RIF1: variants seen among roughly 807,000 people sequenced by gnomAD.
RIF1 encodes replication timing regulatory factor 1.
Under a neutral mutation model 247.1 loss-of-function variants are expected in RIF1, and 45 were observed. The observed-to-expected ratio is 0.18, with a 90% CI of 0.14 to 0.23. The LOEUF is 0.23. Ranked by LOEUF, RIF1 falls within the 10% of genes least tolerant of loss-of-function variation. The pLI is 1.00. For synonymous variants in RIF1, 1,087 were observed against 978.8 expected, an observed-to-expected ratio of 1.11 and a Z score of -2.06; for missense variants, 2,967 against 2,862.5, an observed-to-expected ratio of 1.04 and a Z score of -0.83.
chr2:151,451,465 A>G (rs1183669256), intron 20 of RIF1, 141 bp from the exon 21 acceptor site: 4 of 593,510 alleles, frequency 6.7e-6, no homozygotes, highest in Non-Finnish European at 1.2e-5. Context: ...GGGTGGCTGC[A>G]CTTAATGTAC....
At chr2:151,422,873 A>G in intron 7 of RIF1, 77 bp from the exon 8 acceptor site, 1 of 791,792 alleles carries the variant, frequency 1.3e-6, no homozygotes, top group South Asian at 1.6e-5. Context: ...TCAGTTTTTG[A>G]AAATTATTCC....
chr2:151,445,227 CTCA>C (rs1485573122), intron 18 of RIF1, 108 bp from the exon 19 acceptor site: 22 of 692,904 alleles, frequency 3.2e-5, no homozygotes, highest in Non-Finnish European at 4.9e-5. Context: ...TATTTTGAAT[CTCA>C]TCATTGGGGA....
chr2:151,459,555 A>G (rs1695803382), intron 25 of RIF1, among the ~76,000 whole-genome samples: 1 of 152,190 alleles, frequency 6.6e-6, no homozygotes, highest in East Asian at 1.9e-4. Context: ...CAGACTTGTG[A>G]AAGAGTTCAG....
At chr2:151,487,452 A>T (rs1326096524) in intron 9 of RIF1, among the ~76,000 whole-genome samples, 1 of 152,180 alleles carries the variant, frequency 6.6e-6, no homozygotes, top group African/African-American at 2.4e-5. Context: ...TCCCCTTTGC[A>T]TAAGTGGAAC....
In RIF1 at chr2:151,454,879, C is replaced by T; in HGVS notation, c.2345-16C>T. 2 of 1,537,160 alleles carry T rather than the reference C, an allele frequency of 1.3e-6. No homozygotes were observed. The highest frequency in any genetic ancestry group is 1.7e-6 in the Non-Finnish European group (2 of 1,143,558). Reference sequence around the variant, plus strand: ...AATTTATTTGAGTTTTTAATTAATTCAGTTTTTGTTTTTAGCACCACAGAG... The same window carrying T: ...AATTTATTTGAGTTTTTAATTAATTTAGTTTTTGTTTTTAGCACCACAGAG... On this transcript the variant is annotated splice_polypyrimidine_tract_variant and intron_variant, in intron 21 of 35. Transcript: ENST00000444746.
Position 151,411,333 on chromosome 2 carries a change from T to G in RIF1, c.178T>G (p.Leu60Val). The change falls in exon 3 of 36, where the codon TTA becomes GTA. Residue 60 changes from leucine (L) to valine (V), a missense_variant. By Grantham distance (32) the Leu-to-Val change is conservative (BLOSUM62 1). Around this residue, in one of 7 missense-constraint regions of RIF1, gnomAD observed 269 missense variants for 288.6 expected, o/e 0.93. Transcript: ENST00000444746. ...AAAACTTCCTCGGCTGTACAAAGTT[T>G]TAAAGGTATGTATCTGTTTGTTAAA... ...EKKLPRLYKV[L>V]KTHISSQNSE... is the part of the protein sequence containing the mutation. The G allele has an allele frequency of 1.3e-6, 2 of 1,573,912 alleles. No homozygotes were observed. Among genetic ancestry groups the G allele is most frequent in the Non-Finnish European group, 1.7e-6 (2 of 1,149,830 alleles).
chr2:151,507,687 A>G (rs892891864), intron 13 of RIF1: 22 of 271,174 alleles, frequency 8.1e-5, no homozygotes, highest in African/African-American at 4.8e-4. Flanking sequence ...CTTTTATTGA[A>G]TAAATTGTGT....
rs2049190863 is a variant in RIF1, at chr2:151,482,039, CTA to C, written c.*6970_*6971del. The C allele has an allele frequency of 4.6e-5, 7 of 152,110 alleles. No individual in the cohort carries two copies. Among genetic ancestry groups the C allele is most frequent in the Admixed American group, 4.6e-4 (7 of 15,278 alleles). 9.4% of individuals were successfully genotyped at this position (152,110 alleles called of 1,614,324 possible). On this transcript the variant is annotated 3_prime_UTR_variant, in exon 36 of 36. Coordinates refer to ENST00000444746, the MANE Select transcript of RIF1 (RefSeq NM_018151.5). ...ATGACTGTTGAGGGGGGGCAGAATT[CTA>C]TGTTTGATTCACAGTAAAACTTTTC...
At chr2:151,510,670 G>A (rs955195748), downstream of RIF1, among the ~76,000 whole-genome samples, 3 of 152,072 alleles carry the variant, frequency 2.0e-5, no homozygotes, top group Non-Finnish European at 1.5e-5. Context: ...AGTTATTGTT[G>A]TTAATCTCTT....
At chr2:151,414,179 G>A (rs1352922289) in intron 3 of RIF1, among the ~76,000 whole-genome samples, 3 of 151,832 alleles carry the variant, frequency 2.0e-5, no homozygotes, top group Non-Finnish European at 4.4e-5. Flanking sequence ...GCATGGTGGC[G>A]CGCGCCTGTC....
At position 151,476,983 on chromosome 2, in the gene RIF1, T is replaced by C. The variant is rs1451814939; in HGVS notation, c.*1912T>C. On this transcript the variant is annotated 3_prime_UTR_variant, in exon 36 of 36. Transcript: ENST00000444746. ...ATGAAATTCTTGGGAAGCCGAACAG[T>C]AATAGCAGAAAATGTGACCAAATGA... The C allele has an allele frequency of 6.6e-6, 1 of 152,196 alleles. No individual in the cohort carries two copies. Among genetic ancestry groups the C allele is most frequent in the African/African-American group, 2.4e-5 (1 of 41,458 alleles). The allele number at this position is 152,196 out of a possible 1,614,324, so 9.4% of individuals were successfully genotyped here.
At chr2:151,468,410 A>G in intron 31 of RIF1, 64 bp from the exon 32 acceptor site, 1 of 1,324,096 alleles carries the variant, frequency 7.6e-7, no homozygotes, top group Non-Finnish European at 1.1e-6. Flanking sequence ...CTAAGTTGTA[A>G]AAATTGTGAA....
rs2049073091 is a variant in RIF1, at chr2:151,479,336, T to G, written c.*4265T>G. 1 of 152,218 alleles carries G rather than the reference T, an allele frequency of 6.6e-6. No individual in the cohort carries two copies. The highest frequency in any genetic ancestry group is 2.1e-4 in the South Asian group (1 of 4,834). The allele number at this position is 152,218 out of a possible 1,614,324, so 9.4% of individuals were successfully genotyped here. A position where few individuals can be genotyped will look rare whatever the true frequency, so the allele number is the denominator to read the frequency against. On this transcript the variant is annotated 3_prime_UTR_variant, in exon 36 of 36. Coordinates refer to ENST00000444746, the MANE Select transcript of RIF1 (RefSeq NM_018151.5). ...ATTTTTTAAGTAGGCAGACTAAGAATTTCAAGTTATAAAGAATCTTATTGA... is the reference window on the plus strand; with the variant it reads ...ATTTTTTAAGTAGGCAGACTAAGAAGTTCAAGTTATAAAGAATCTTATTGA...
At chr2:151,501,182 A>G (rs982907664) in intron 11 of RIF1, among the ~76,000 whole-genome samples, 1 of 152,210 alleles carries the variant, frequency 6.6e-6, no homozygotes, top group Admixed American at 6.5e-5. Flanking sequence ...AAGGAAAGAA[A>G]AAGTTTTAAG....
the RIF1 span, among the ~76,000 whole-genome samples, chr2:151,528,196 G>A: frequency 6.6e-6 from 1 of 152,164 alleles, no homozygotes; most frequent in African/African-American, 2.4e-5. Flanking sequence ...CAGGGCTGGA[G>A]AACTGGCTGC....
In RIF1 at chr2:151,472,566, A is replaced by C. The variant is rs535431269; in HGVS notation, c.7096-1398A>C. 3.9e-5 allele frequency among the ~76,000 whole-genome samples: 6 copies of C among 152,242 alleles called. No homozygotes were observed. In the South Asian group the frequency reaches 1.2e-3, roughly 32 times the overall value. On this transcript the variant is annotated intron_variant, in intron 34 of 35. Coordinates refer to ENST00000444746, the MANE Select transcript of RIF1 (RefSeq NM_018151.5). ...TCCCATCAATACCTAGTTTATTGAG[A>C]GTTTTTAGCATGAAGTGTTGTTGAA...
chr2:151,433,319 C>G, intron 10 of RIF1, 91 bp downstream of exon 10: 5 of 1,043,814 alleles, frequency 4.8e-6, no homozygotes, highest in Non-Finnish European at 7.0e-6. Flanking sequence ...GTTATTTTTG[C>G]TATTTATTAG....
chr2:151,500,487 T>G (rs2063597750), intron 11 of RIF1, among the ~76,000 whole-genome samples: 1 of 151,840 alleles, frequency 6.6e-6, no homozygotes, highest in Non-Finnish European at 1.5e-5. Flanking sequence ...ACATTAAATA[T>G]AAGCTCATGA....
intron 9 of RIF1, among the ~76,000 whole-genome samples, chr2:151,430,798 C>T (rs1370810885): frequency 6.6e-6 from 1 of 151,538 alleles, no homozygotes; most frequent in African/African-American, 2.4e-5. Context: ...GGACTACAGG[C>T]GTGTGCCACC....
Sources: gnomAD v4.1 joint callset for allele counts (sites outside exome capture counted in the v4.1 genomes callset) on GRCh38, gnomAD v4.1.1 for gene constraint, gnomAD v4.1.1 regional missense constraint, MANE v1.5 for transcripts, NCBI Gene and HGNC (gene_info 2026-07-23, HGNC 2026-07-21) for gene names.